DPP10: variants seen among roughly 807,000 people sequenced by gnomAD.
The protein encoded by DPP10 is dipeptidyl peptidase like 10.
Under a neutral mutation model 120.9 loss-of-function variants are expected in DPP10, and 33 were observed. The ratio of observed to expected loss-of-function variants is 0.27; its 90% CI spans 0.21 to 0.37. DPP10 has a LOEUF of 0.37. Among genes scored for constraint, DPP10 ranks in the 10% least tolerant of loss-of-function variants. The pLI is 1.00. For synonymous variants in DPP10, 337 were observed against 326.1 expected, an observed-to-expected ratio of 1.03 and a Z score of -0.36; for missense variants, 816 against 942.8, an observed-to-expected ratio of 0.87 and a Z score of 1.76.
intron 1 of DPP10, among the ~76,000 whole-genome samples, chr2:114,532,692 G>T (rs1272643792): frequency 6.6e-6 from 1 of 152,092 alleles, no homozygotes; most frequent in Non-Finnish European, 1.5e-5. Context: ...AATTTGAATA[G>T]CTGTGTAAGA....
intron 1 of DPP10, among the ~76,000 whole-genome samples, chr2:114,481,946 A>AGAGAGGAG (rs151099748): frequency 0.12 from 17,369 of 150,378 alleles, 2,336 homozygotes; most frequent in African/African-American, 0.33. Context: ...AAGAAGGAGA[A>AGAGAGGAG]GAGAGGAGGA....
intron 1 of DPP10, among the ~76,000 whole-genome samples, chr2:114,654,767 A>C (rs1171196088): frequency 6.6e-6 from 1 of 152,042 alleles, no homozygotes; most frequent in Non-Finnish European, 1.5e-5. Flanking sequence ...CTACTCTGTC[A>C]TCTACCTGGC....
chr2:115,781,041 A>G (rs1290085184), intron 16 of DPP10, 46 bp downstream of exon 16: 2 of 1,458,324 alleles, frequency 1.4e-6, no homozygotes, highest in Non-Finnish European at 9.3e-7. Flanking sequence ...TATTCATTGT[A>G]TTTGGTCAAT....
intron 1 of DPP10, among the ~76,000 whole-genome samples, chr2:115,015,367 C>G (rs1558993906): frequency 6.6e-6 from 1 of 152,042 alleles, no homozygotes; most frequent in Non-Finnish European, 1.5e-5. Flanking sequence ...AATAAGAGCT[C>G]TTTATGACAA....
chr2:115,091,501 A>T (rs62164533), intron 1 of DPP10, among the ~76,000 whole-genome samples: 43,253 of 151,928 alleles, frequency 0.28, 6,594 homozygotes, highest in South Asian at 0.38. Flanking sequence ...TTTCCACCAC[A>T]TAGGAAAAGT....
chr2:115,396,703 A>T (rs1367179275), intron 3 of DPP10, among the ~76,000 whole-genome samples: 1 of 152,214 alleles, frequency 6.6e-6, no homozygotes, highest in Non-Finnish European at 1.5e-5. Context: ...AAGTTTAAAA[A>T]GCAATAAAAG....
intron 1 of DPP10, among the ~76,000 whole-genome samples, chr2:115,308,237 A>G (rs2061435121): frequency 6.6e-6 from 1 of 152,280 alleles, no homozygotes; most frequent in Non-Finnish European, 1.5e-5. Context: ...TTTGTTGACA[A>G]CAAAGCGGCT....
intron 1 of DPP10, among the ~76,000 whole-genome samples, chr2:114,840,948 A>C (rs1226867982): frequency 6.6e-6 from 1 of 152,114 alleles, no homozygotes; most frequent in Non-Finnish European, 1.5e-5. Context: ...TGTAAATCAC[A>C]TTAAACTGGC....
chr2:114,918,497 T>C (rs2106636152), intron 1 of DPP10, among the ~76,000 whole-genome samples: 1 of 152,276 alleles, frequency 6.6e-6, no homozygotes, highest in East Asian at 1.9e-4. Flanking sequence ...TTTGCATGCA[T>C]ATATCCATTG....
At chr2:114,974,485 T>A (rs540534928) in intron 1 of DPP10, among the ~76,000 whole-genome samples, 8 of 151,896 alleles carry the variant, frequency 5.3e-5, no homozygotes, top group Admixed American at 4.6e-4. Context: ...TGGCAAGATT[T>A]CTGCACACTG....
At chr2:114,788,417 A>ACT (rs1553427659) in intron 1 of DPP10, among the ~76,000 whole-genome samples, 5 of 145,778 alleles carry the variant, frequency 3.4e-5, no homozygotes, top group African/African-American at 1.3e-4. Context: ...GAACATGTAC[A>ACT]TTTTTTTTTT....
chr2:115,454,582 G>T (rs959529162), intron 3 of DPP10, among the ~76,000 whole-genome samples: 4 of 151,720 alleles, frequency 2.6e-5, no homozygotes, highest in African/African-American at 9.7e-5. Flanking sequence ...TCTTTAAAAT[G>T]ACAAACAGTA....
At chr2:115,065,651 G>A (rs369497433) in intron 1 of DPP10, 5 of 151,750 alleles carry the variant, frequency 3.3e-5, no homozygotes, top group African/African-American at 1.2e-4. Context: ...TGTGTATGTA[G>A]TCATTCTTAC....
chr2:115,481,602 C>A (rs1037205), intron 3 of DPP10, among the ~76,000 whole-genome samples: 84,027 of 151,736 alleles, frequency 0.55, 24,498 homozygotes, highest in Non-Finnish European at 0.67. Flanking sequence ...TTGGTTCCGT[C>A]CAGCTCTACA....
intron 3 of DPP10, among the ~76,000 whole-genome samples, chr2:115,383,906 C>G (rs1229779969): frequency 6.6e-6 from 1 of 152,072 alleles, no homozygotes; most frequent in Non-Finnish European, 1.5e-5. Context: ...ACTGCTGTAT[C>G]TTTTTAAAAA....
intron 1 of DPP10, among the ~76,000 whole-genome samples, chr2:114,712,992 CTTT>C (rs70937300): frequency 3.0e-5 from 4 of 132,604 alleles, no homozygotes; most frequent in Admixed American, 7.9e-5. Flanking sequence ...TAACCAAATT[CTTT>C]TTTTTTTTTT....
chr2:114,879,238 G>A (rs542634036), intron 1 of DPP10, among the ~76,000 whole-genome samples: 25 of 151,674 alleles, frequency 1.6e-4, no homozygotes, highest in South Asian at 4.2e-4. Flanking sequence ...GCATGAGTGC[G>A]AAATATTTTA....
intron 1 of DPP10, among the ~76,000 whole-genome samples, chr2:114,482,420 T>G: frequency 6.6e-6 from 1 of 152,260 alleles, no homozygotes; most frequent in African/African-American, 2.4e-5. Context: ...AAATAACAAT[T>G]ATGAGAATCA....
At chr2:114,834,811 GCCATGTCT>G (rs1687543395) in intron 1 of DPP10, among the ~76,000 whole-genome samples, 1 of 148,480 alleles carries the variant, frequency 6.7e-6, no homozygotes, top group African/African-American at 2.6e-5. Context: ...GTATATATAA[GCCATGTCT>G]ACACACCTAT....
Sources: allele counts gnomAD v4.1 joint callset (sites outside exome capture counted in the v4.1 genomes callset), GRCh38; gene constraint gnomAD v4.1.1; transcripts MANE v1.5; gene names NCBI Gene and HGNC (gene_info 2026-07-23, HGNC 2026-07-21).